The following ZNF385D variants were observed in gnomAD, a reference collection of about 807,000 sequenced individuals.
ZNF385D encodes the protein zinc finger protein 385D.
ZNF385D carries 15 observed loss-of-function variants against 35.8 expected under a neutral mutation model. The observed-to-expected ratio is 0.42, with a 90% CI of 0.28 to 0.64. The LOEUF (loss-of-function observed/expected upper bound fraction) is 0.64, where lower values mean the gene tolerates loss of function less well. ZNF385D is among the 30% of genes least tolerant of loss of function. The pLI, the probability that ZNF385D is intolerant of heterozygous loss-of-function variation, is 0.23. For missense variants in ZNF385D, 474 were observed against 494.6 expected (o/e 0.96, Z 0.39); for synonymous variants, 212 against 186.8 (o/e 1.13, Z -1.10).
At chr3:21,800,961 G>A (rs1007969539) in intron 3 of ZNF385D, among the ~76,000 whole-genome samples, 18 of 152,152 alleles carry the variant, frequency 1.2e-4, no homozygotes, top group African/African-American at 4.3e-4. Context: ...ACCATTAAGT[G>A]TACTATTTAT....
intron 4 of ZNF385D, among the ~76,000 whole-genome samples, chr3:21,475,657 C>T (rs1704190274): frequency 6.6e-6 from 1 of 152,030 alleles, no homozygotes; most frequent in African/African-American, 2.4e-5. Context: ...CAAAGAGCTC[C>T]ATTCTGCTCA....
chr3:22,227,024 T>C (rs1262487016), intron 2 of ZNF385D, among the ~76,000 whole-genome samples: 2 of 152,202 alleles, frequency 1.3e-5, no homozygotes, highest in African/African-American at 4.8e-5. Context: ...TTCAGCATAT[T>C]TTGGTAGCCT....
At chr3:22,225,041 T>C (rs945125581) in intron 2 of ZNF385D, among the ~76,000 whole-genome samples, 1 of 152,216 alleles carries the variant, frequency 6.6e-6, no homozygotes, top group Non-Finnish European at 1.5e-5. Context: ...TCTCTAATTA[T>C]ATTAACAATG....
chr3:22,029,169 T>G (rs1697752282), intron 3 of ZNF385D, among the ~76,000 whole-genome samples: 1 of 152,198 alleles, frequency 6.6e-6, no homozygotes, highest in Admixed American at 6.5e-5. Flanking sequence ...CCTGGACACT[T>G]TGTGCTCCTC....
chr3:22,203,801 G>A (rs1696965043), intron 2 of ZNF385D, among the ~76,000 whole-genome samples: 1 of 152,166 alleles, frequency 6.6e-6, no homozygotes. Context: ...TATGGTTTCA[G>A]TATTAGCTCA....
intron 1 of ZNF385D, among the ~76,000 whole-genome samples, chr3:21,690,722 G>A (rs2067255339): frequency 1.3e-5 from 2 of 152,158 alleles, no homozygotes; most frequent in Non-Finnish European, 2.9e-5. Context: ...CATCAAATGG[G>A]ATCGTGTTAG....
At chr3:21,919,554 G>C (rs892058265) in intron 3 of ZNF385D, among the ~76,000 whole-genome samples, 5 of 152,198 alleles carry the variant, frequency 3.3e-5, no homozygotes, top group Admixed American at 2.0e-4. Context: ...TTTGGGAACA[G>C]TTTCTTGCCA....
chr3:21,864,660 T>C (rs1305009650), intron 3 of ZNF385D, among the ~76,000 whole-genome samples: 1 of 152,126 alleles, frequency 6.6e-6, no homozygotes, highest in East Asian at 1.9e-4. Flanking sequence ...AAGTTTCTAC[T>C]ATTGTTATAA....
chr3:22,208,213 G>C (rs1365792416), intron 2 of ZNF385D, among the ~76,000 whole-genome samples: 1 of 151,830 alleles, frequency 6.6e-6, no homozygotes, highest in Non-Finnish European at 1.5e-5. Flanking sequence ...CTCAAATGGA[G>C]AAAGAAAATG....
In ZNF385D at chr3:21,689,494, T is replaced by C. The variant is rs188858723; in HGVS notation, c.23-24466A>G. Among the ~76,000 whole-genome samples the C allele has an allele frequency of 1.8e-4, 27 of 152,278 alleles. No individual in the cohort carries two copies. The East Asian group carries it at 5.2e-3, about 29-fold the overall frequency. ...GGTGGACTTGAGGAAAAACTATAAA[T>C]ACAATAGTCACTGGAAATTCTGTGT... On this transcript the variant is annotated intron_variant, in intron 1 of 7. Coordinates refer to ENST00000281523, the MANE Select transcript of ZNF385D (RefSeq NM_024697.3).
chr3:22,341,334 T>G (rs947569752), intron 2 of ZNF385D, among the ~76,000 whole-genome samples: 1 of 152,180 alleles, frequency 6.6e-6, no homozygotes, highest in African/African-American at 2.4e-5. Context: ...ATCACACCCA[T>G]CTATGACATG....
intron 3 of ZNF385D, among the ~76,000 whole-genome samples, chr3:21,535,914 G>A (rs774759896): frequency 1.3e-5 from 2 of 151,994 alleles, no homozygotes; most frequent in South Asian, 2.1e-4. Context: ...CTGCCTATAC[G>A]ACTAATTTGC....
intron 3 of ZNF385D, among the ~76,000 whole-genome samples, chr3:21,779,631 G>A (rs189858256): frequency 1.0e-3 from 156 of 151,992 alleles, no homozygotes; most frequent in Non-Finnish European, 1.8e-3. Context: ...AAAGAAGGGG[G>A]TAAGAAATTA....
At chr3:22,302,576 T>A (rs1702962311) in intron 2 of ZNF385D, among the ~76,000 whole-genome samples, 1 of 151,946 alleles carries the variant, frequency 6.6e-6, no homozygotes, top group African/African-American at 2.4e-5. Context: ...TTTTGGCTAT[T>A]CTTTTGTTTT....
chr3:21,599,952 C>T (rs1253162391), intron 2 of ZNF385D, among the ~76,000 whole-genome samples: 1 of 152,180 alleles, frequency 6.6e-6, no homozygotes, highest in Non-Finnish European at 1.5e-5. Flanking sequence ...GCTCGGGATA[C>T]AGGTCATAAA....
At position 21,501,117 on chromosome 3, in the gene ZNF385D, G is replaced by A. The variant is rs866289800; in HGVS notation, c.439+9744C>T. Among the ~76,000 whole-genome samples, 5 of 152,244 alleles carry A rather than the reference G, an allele frequency of 3.3e-5. No individual in the cohort carries two copies. In the South Asian group the frequency reaches 8.3e-4, roughly 25 times the overall value. On this transcript the variant is annotated intron_variant, in intron 4 of 7. Transcript: ENST00000281523. ...GTTAAACCAATCCCACAAGCCCTGT[G>A]CCAAGCAGACACCGCTTCCTCCAGC...
chr3:21,761,885 T>C (rs1028841640), intron 3 of ZNF385D, among the ~76,000 whole-genome samples: 4 of 135,210 alleles, frequency 3.0e-5, no homozygotes, highest in Admixed American at 2.2e-4. Flanking sequence ...TTTTTTTTTT[T>C]TTTTTTTTTT....
intron 2 of ZNF385D, among the ~76,000 whole-genome samples, chr3:22,350,442 T>C (rs751072383): frequency 6.6e-6 from 1 of 152,088 alleles, no homozygotes; most frequent in Non-Finnish European, 1.5e-5. Flanking sequence ...TAAAATATAT[T>C]GCCCTATTAA....
At chr3:21,574,580 G>A (rs1158917445) in intron 2 of ZNF385D, among the ~76,000 whole-genome samples, 4 of 152,054 alleles carry the variant, frequency 2.6e-5, no homozygotes, top group African/African-American at 9.7e-5. Context: ...GCATGATTGT[G>A]TGCTTCGAAA....
Sources: gnomAD v4.1 joint callset for allele counts (sites outside exome capture counted in the v4.1 genomes callset) on GRCh38, gnomAD v4.1.1 for gene constraint, MANE v1.5 for transcripts, NCBI Gene and HGNC (gene_info 2026-07-23, HGNC 2026-07-21) for gene names.